The following SUSD6 variants were observed in gnomAD, a reference collection of about 807,000 sequenced individuals.
SUSD6 encodes sushi domain-containing protein 6.
Under a neutral mutation model 28.4 loss-of-function variants are expected in SUSD6, and 16 were observed. The observed-to-expected ratio is 0.56, with a 90% CI of 0.38 to 0.86. The LOEUF is 0.86. SUSD6 is among the 40% of genes least tolerant of loss of function. The pLI is 0.00. For missense variants in SUSD6, 341 were observed against 384.2 expected (o/e 0.89, Z 0.94); for synonymous variants, 147 against 159.6 (o/e 0.92, Z 0.59).
chr14:69,674,884 A>G (rs1181000994), intron 2 of SUSD6, among the ~76,000 whole-genome samples: 1 of 152,210 alleles, frequency 6.6e-6, no homozygotes, highest in Non-Finnish European at 1.5e-5. Flanking sequence ...TCAGGCACTG[A>G]CTAGCCTGAA....
At chr14:69,677,397 AT>A (rs1885927277) in intron 2 of SUSD6, among the ~76,000 whole-genome samples, 1 of 151,988 alleles carries the variant, frequency 6.6e-6, no homozygotes, top group Admixed American at 6.6e-5. Context: ...TACAAAAAAA[AT>A]TAGCTGGGCG....
chr14:69,667,010 T>G (rs1162066392), intron 2 of SUSD6, among the ~76,000 whole-genome samples: 3 of 152,226 alleles, frequency 2.0e-5, no homozygotes, highest in Non-Finnish European at 4.4e-5. Flanking sequence ...TCCCATGTAG[T>G]AGACACATGT....
intron 4 of SUSD6, 125 bp downstream of exon 4, chr14:69,704,867 G>A (rs1225916819): frequency 2.0e-5 from 20 of 999,332 alleles, no homozygotes. Flanking sequence ...AGGGAGTGGG[G>A]AGGGCCCTGC....
Position 69,711,051 on chromosome 14 carries a change from C to T in SUSD6, c.*72C>T, listed in dbSNP as rs982671915. On this transcript the variant is annotated 3_prime_UTR_variant, in exon 6 of 6. Transcript: ENST00000342745. ...CTCCCTCTCCCTGTGGGATTGAGCA[C>T]CCTGTACTCTCCAGCCACCTTACCT... 19 of 1,483,390 alleles carry T rather than the reference C, an allele frequency of 1.3e-5. No homozygotes were observed. In the African/African-American group the frequency reaches 1.7e-4, roughly 13 times the overall value. 91.9% of individuals were successfully genotyped at this position (1,483,390 alleles called of 1,614,324 possible).
intron 1 of SUSD6, among the ~76,000 whole-genome samples, chr14:69,650,340 A>G (rs953261864): frequency 1.4e-4 from 22 of 152,146 alleles, no homozygotes; most frequent in African/African-American, 5.1e-4. Context: ...CTGCACAGCA[A>G]CCCAATGAGG....
intron 2 of SUSD6, among the ~76,000 whole-genome samples, chr14:69,700,002 C>T (rs924010642): frequency 1.4e-4 from 22 of 152,172 alleles, no homozygotes; most frequent in African/African-American, 5.1e-4. Context: ...CAGATGGGTT[C>T]TCTACCTGGT....
At chr14:69,710,632 C>A (rs886996046) in intron 5 of SUSD6, among the ~76,000 whole-genome samples, 1 of 152,150 alleles carries the variant, frequency 6.6e-6, no homozygotes, top group African/African-American at 2.4e-5. Flanking sequence ...AGTGGGACTT[C>A]ACAGGGCTTT....
At chr14:69,634,748 T>C (rs1408261440) in intron 1 of SUSD6, among the ~76,000 whole-genome samples, 2 of 152,262 alleles carry the variant, frequency 1.3e-5, no homozygotes, top group Non-Finnish European at 2.9e-5. Context: ...TCACAAACTT[T>C]ATCCAAAACA....
intron 2 of SUSD6, among the ~76,000 whole-genome samples, chr14:69,696,252 A>G (rs182111531): frequency 4.5e-4 from 69 of 152,350 alleles, no homozygotes; most frequent in Non-Finnish European, 9.1e-4. Flanking sequence ...CACTCAACTC[A>G]GTTAAGCCTT....
intron 2 of SUSD6, among the ~76,000 whole-genome samples, chr14:69,678,882 C>T (rs1215939150): frequency 6.6e-6 from 1 of 152,162 alleles, no homozygotes; most frequent in Non-Finnish European, 1.5e-5. Flanking sequence ...TGCATGTGTC[C>T]TAAGCATGTG....
chr14:69,612,696 C>G (rs1884898703), intron 1 of SUSD6, among the ~76,000 whole-genome samples: 1 of 152,172 alleles, frequency 6.6e-6, no homozygotes, highest in African/African-American at 2.4e-5. Flanking sequence ...AGCTGTTGTT[C>G]CCACAGAATT....
chr14:69,663,904 A>T (rs1278127693), intron 2 of SUSD6, among the ~76,000 whole-genome samples: 1 of 151,602 alleles, frequency 6.6e-6, no homozygotes, highest in East Asian at 1.9e-4. Context: ...GAAAGAGATG[A>T]TGTTTTCTCC....
intron 1 of SUSD6, chr14:69,617,537 G>A (rs1884976801): frequency 1.3e-5 from 2 of 152,202 alleles, no homozygotes; most frequent in African/African-American, 4.8e-5. Context: ...CCAAATATTT[G>A]GTGCAGAACT....
chr14:69,698,867 T>TC (rs1158535885), intron 2 of SUSD6, among the ~76,000 whole-genome samples: 10 of 152,208 alleles, frequency 6.6e-5, no homozygotes, highest in African/African-American at 2.4e-5. Context: ...TGATTTTTTT[T>TC]CCCCCTGTAA....
At chr14:69,659,845 C>T (rs1885637257) in intron 2 of SUSD6, among the ~76,000 whole-genome samples, 1 of 152,138 alleles carries the variant, frequency 6.6e-6, no homozygotes, top group Non-Finnish European at 1.5e-5. Flanking sequence ...TTTGTACAGC[C>T]CTTGTTGCCT....
intron 1 of SUSD6, among the ~76,000 whole-genome samples, chr14:69,652,501 G>A (rs929801734): frequency 6.6e-6 from 1 of 152,084 alleles, no homozygotes; most frequent in Non-Finnish European, 1.5e-5. Flanking sequence ...ACATGTAAAC[G>A]GAGTCTGACT....
rs1461234182 is a variant in SUSD6, at chr14:69,611,769, G to C, written c.-140G>C. Reference sequence around the variant, plus strand: ...AGACCCGAGAAGACTGCGGGCGCGCGCAAGCGGCGGCGTGGAAGCTGTGAG... The same window carrying C: ...AGACCCGAGAAGACTGCGGGCGCGCCCAAGCGGCGGCGTGGAAGCTGTGAG... On this transcript the variant is annotated 5_prime_UTR_variant, in exon 1 of 6. Coordinates refer to ENST00000342745, the MANE Select transcript of SUSD6 (RefSeq NM_014734.4). 6.6e-6 allele frequency: 1 copy of C among 151,154 alleles called. No individual in the cohort carries two copies. The highest frequency in any genetic ancestry group is 2.4e-5 in the African/African-American group (1 of 41,368). 9.4% of individuals were successfully genotyped at this position (151,154 alleles called of 1,614,324 possible). A position where few individuals can be genotyped will look rare whatever the true frequency, so the allele number is the denominator to read the frequency against.
chr14:69,661,202 C>G (rs908291356), intron 2 of SUSD6, among the ~76,000 whole-genome samples: 2 of 152,158 alleles, frequency 1.3e-5, no homozygotes, highest in Non-Finnish European at 2.9e-5. Flanking sequence ...GGCATAATGT[C>G]TGCCTTAAGC....
chr14:69,639,380 G>A, intron 1 of SUSD6, among the ~76,000 whole-genome samples: 1 of 149,418 alleles, frequency 6.7e-6, no homozygotes. Flanking sequence ...GAAGTTTAGA[G>A]CTGAAAGAAC....
Sources: allele counts gnomAD v4.1 joint callset (sites outside exome capture counted in the v4.1 genomes callset), GRCh38; gene constraint gnomAD v4.1.1; transcripts MANE v1.5; gene names NCBI Gene and HGNC (gene_info 2026-07-23, HGNC 2026-07-21).